PDIA3: variants seen among roughly 807,000 people sequenced by gnomAD.
PDIA3 encodes protein disulfide-isomerase A3.
A neutral mutation model predicts 56.9 loss-of-function variants in PDIA3; 16 were observed. That is an observed-to-expected ratio of 0.28 (90% CI 0.19 to 0.43). The LOEUF (loss-of-function observed/expected upper bound fraction) is 0.43, where lower values mean the gene tolerates loss of function less well. Ranked by LOEUF, PDIA3 falls within the 20% of genes least tolerant of loss-of-function variation. The pLI, the probability that PDIA3 is intolerant of heterozygous loss-of-function variation, is 1.00. For missense variants in PDIA3, 485 were observed against 621.3 expected, an observed-to-expected ratio of 0.78 and a Z score of 2.33; for synonymous variants, 192 against 216.5, an observed-to-expected ratio of 0.89 and a Z score of 0.99.
At chr15:43,751,730 C>T in intron 1 of PDIA3, 2 of 1,300,074 alleles carry the variant, frequency 1.5e-6, no homozygotes, top group Non-Finnish European at 2.0e-6. Flanking sequence ...CACCTGGTTG[C>T]TCCCCAGATT....
At chr15:43,767,598 C>T (rs905963202) in intron 8 of PDIA3, among the ~76,000 whole-genome samples, 8 of 151,026 alleles carry the variant, frequency 5.3e-5, no homozygotes, top group South Asian at 2.1e-4. Context: ...AGTGAAACCC[C>T]GTCTCTACTA....
At chr15:43,764,971 TGGTTA>T (rs2086838880) in intron 5 of PDIA3, among the ~76,000 whole-genome samples, 1 of 152,138 alleles carries the variant, frequency 6.6e-6, no homozygotes, top group Non-Finnish European at 1.5e-5. Context: ...AAGATTAAGG[TGGTTA>T]GCATCTTAGT....
intron 8 of PDIA3, among the ~76,000 whole-genome samples, chr15:43,767,943 C>T (rs996321544): frequency 1.3e-5 from 2 of 151,900 alleles, no homozygotes; most frequent in Non-Finnish European, 2.9e-5. Context: ...AGCAAGACCC[C>T]GTCTCCAAAA....
intron 1 of PDIA3, among the ~76,000 whole-genome samples, chr15:43,750,194 T>A (rs893922428): frequency 1.5e-4 from 21 of 139,606 alleles, no homozygotes; most frequent in Non-Finnish European, 3.2e-4. Context: ...TTTTTTTTTT[T>A]AAGTAGAGAC....
intron 3 of PDIA3, among the ~76,000 whole-genome samples, chr15:43,760,595 C>T (rs561408575): frequency 4.0e-5 from 6 of 149,772 alleles, no homozygotes; most frequent in East Asian, 2.0e-4. Context: ...GTGGCACGAC[C>T]TCGGCTCACT....
rs184737503 is a variant in PDIA3 at position 43,771,883 on chromosome 15, G to A, written c.*665G>A. The A allele has an allele frequency of 1.3e-4, 44 of 351,832 alleles. No individual in the cohort carries two copies. The East Asian group carries it at 1.8e-3, about 14-fold the overall frequency. The allele number at this position is 351,832 out of a possible 1,614,324, so 21.8% of individuals were successfully genotyped here. On this transcript the variant is annotated 3_prime_UTR_variant, in exon 13 of 13. Coordinates refer to ENST00000300289, the MANE Select transcript of PDIA3 (RefSeq NM_005313.5). ...GCTGAAGGGCCTTTCTTGTTAGGCT[G>A]TCCATGCCCTAAGGATGGGTTCCTG...
rs1355101910 is a variant in PDIA3 at position 43,770,642 on chromosome 15, C to T, written c.1404+62C>T. 2.8e-6 allele frequency: 3 copies of T among 1,056,958 alleles called. No homozygotes were observed. In the African/African-American group the frequency reaches 4.7e-5, roughly 17 times the overall value. The allele number at this position is 1,056,958 out of a possible 1,614,324, so 65.5% of individuals were successfully genotyped here. On this transcript the variant is annotated intron_variant, in intron 12 of 12. Coordinates refer to ENST00000300289, the MANE Select transcript of PDIA3 (RefSeq NM_005313.5). Reference sequence around the variant, plus strand: ...ACAGACGTAAACACACAACCTTAAACATAGTTCTTTAATTGGGTTTATTTA... The same window carrying T: ...ACAGACGTAAACACACAACCTTAAATATAGTTCTTTAATTGGGTTTATTTA...
chr15:43,751,800 A>G, intron 1 of PDIA3: 1 of 1,268,854 alleles, frequency 7.9e-7, no homozygotes, highest in Non-Finnish European at 1.0e-6. Flanking sequence ...CTCTGTGGGT[A>G]TTTTTGATAA....
In PDIA3 at chr15:43,753,920, C is replaced by T. The variant is rs755271146; in HGVS notation, c.246+18C>T. ...TAGCAAAGGTAAGTACAGGTGGATT[C>T]TTCACTAAAGGACGTGAAGTATTTT... is the stretch of plus-strand genomic sequence containing the variant. On this transcript the variant is annotated intron_variant, in intron 2 of 12. Transcript: ENST00000300289. 5 of 1,550,996 alleles carry T rather than the reference C, an allele frequency of 3.2e-6. No individual in the cohort carries two copies. The highest frequency in any genetic ancestry group is 1.7e-5 in the Admixed American group (1 of 59,704).
In PDIA3 at chr15:43,763,192, T is replaced by A. The variant is rs750128500; in HGVS notation, c.588T>A (p.Tyr196Ter). 2 of 1,613,870 alleles carry A rather than the reference T, an allele frequency of 1.2e-6. No homozygotes were observed. Among genetic ancestry groups the A allele is most frequent in the African/African-American group, 2.7e-5 (2 of 74,918 alleles). ...HTNVESLVNE[Y>*]DDNGEGIILF... ...ATGTTGAGTCTCTGGTGAACGAGTA[T>A]GATGATAATGGAGAGTAAGTGACTG... Residue 196 changes from tyrosine to a stop codon, truncating the protein, a stop_gained, in exon 5 of 13, where the codon TAT becomes TAA. Transcript: ENST00000300289. LOFTEE classifies it high-confidence loss of function.
chr15:43,752,874 T>C (rs1348639735), intron 1 of PDIA3: 1 of 471,054 alleles, frequency 2.1e-6, no homozygotes, highest in African/African-American at 2.0e-5. Flanking sequence ...GTACAGCTGG[T>C]GCTAGCTGTA....
chr15:43,759,134 C>T (rs887086887), intron 3 of PDIA3, among the ~76,000 whole-genome samples: 2 of 152,042 alleles, frequency 1.3e-5, no homozygotes, highest in Middle Eastern at 3.4e-3. Context: ...ACTAAAAATA[C>T]AAAAAATTAG....
intron 4 of PDIA3, among the ~76,000 whole-genome samples, chr15:43,762,663 C>T (rs1234722120): frequency 1.3e-5 from 2 of 152,078 alleles, no homozygotes; most frequent in African/African-American, 4.8e-5. Context: ...ATGTTTTAGT[C>T]ACTTTTCTAA....
At chr15:43,763,365 G>A (rs550255816) in intron 5 of PDIA3, among the ~76,000 whole-genome samples, 159 bp downstream of exon 5, 1 of 152,144 alleles carries the variant, frequency 6.6e-6, no homozygotes, top group Admixed American at 6.5e-5. Flanking sequence ...CGATTCTCGC[G>A]CCTCAACCTC....
At chr15:43,756,590 A>G in intron 2 of PDIA3, 59 bp from the exon 3 acceptor site, 1 of 952,800 alleles carries the variant, frequency 1.0e-6, no homozygotes, top group Non-Finnish European at 1.7e-6. Flanking sequence ...TTGAGAATAT[A>G]GGAAGAACCT....
intron 1 of PDIA3, among the ~76,000 whole-genome samples, chr15:43,752,518 G>C (rs2086751354): frequency 6.6e-6 from 1 of 152,190 alleles, no homozygotes; most frequent in African/African-American, 2.4e-5. Context: ...CACTCAGTCT[G>C]AAAAACATAG....
chr15:43,773,060 C>A lies in PDIA3; in HGVS notation c.*1842C>A. The A allele has an allele frequency of 6.8e-7, 1 of 1,475,666 alleles. No homozygotes were observed. Among genetic ancestry groups the A allele is most frequent in the Non-Finnish European group, 9.2e-7 (1 of 1,089,312 alleles). The allele number at this position is 1,475,666 out of a possible 1,614,324, so 91.4% of individuals were successfully genotyped here. ...TAGTTGCATTCTATTTAGTTTATAG[C>A]TGCTTTGTTCCTTTGTGTTTCACTA... On this transcript the variant is annotated 3_prime_UTR_variant, in exon 13 of 13. Coordinates refer to ENST00000300289, the MANE Select transcript of PDIA3 (RefSeq NM_005313.5).
intron 4 of PDIA3, among the ~76,000 whole-genome samples, chr15:43,761,954 A>G (rs978973945): frequency 5.3e-5 from 8 of 152,180 alleles, no homozygotes; most frequent in African/African-American, 1.9e-4. Context: ...ATACAAGTAA[A>G]TAATAAACCT....
rs572694678 is a variant in PDIA3, at chr15:43,747,403, A to G, written c.167+697A>G. Among the ~76,000 whole-genome samples, 46 of 152,332 alleles carry G rather than the reference A, an allele frequency of 3.0e-4. No homozygotes were observed. In the South Asian group the frequency reaches 3.9e-3, roughly 13 times the overall value. On this transcript the variant is annotated intron_variant, in intron 1 of 12. Coordinates refer to ENST00000300289, the MANE Select transcript of PDIA3 (RefSeq NM_005313.5). ...CTTTAAAATGTCAAAAAAGACTCCA[A>G]TGAGAAAATAACCAATATTGATTAC...
Sources: allele counts gnomAD v4.1 joint callset (sites outside exome capture counted in the v4.1 genomes callset), GRCh38; gene constraint gnomAD v4.1.1; transcripts MANE v1.5; gene names NCBI Gene and HGNC (gene_info 2026-07-23, HGNC 2026-07-21).